The following CDH20 variants were observed in gnomAD, a reference collection of about 807,000 sequenced individuals.
CDH20 encodes the protein cadherin-20.
CDH20 carries 29 observed loss-of-function variants against 74.2 expected under a neutral mutation model. The ratio of observed to expected loss-of-function variants is 0.39; its 90% confidence interval spans 0.29 to 0.53. The LOEUF (loss-of-function observed/expected upper bound fraction) is 0.53, where lower values mean the gene tolerates loss of function less well. CDH20 is among the 20% of genes least tolerant of loss of function. The probability of loss-of-function intolerance (pLI) is 0.69; values close to 1 mark genes in which losing one functional copy is unlikely to be tolerated. For synonymous variants in CDH20, 469 were observed against 405.4 expected (o/e 1.16, Z -1.88); for missense variants, 988 against 1,048.3 (o/e 0.94, Z 0.79).
At chr18:61,511,780 A>G (rs1010831618) in intron 6 of CDH20, among the ~76,000 whole-genome samples, 1 of 152,342 alleles carries the variant, frequency 6.6e-6, no homozygotes, top group East Asian at 1.9e-4. Context: ...AAGACAGAGT[A>G]CTGTTTTTCA....
At chr18:61,337,111 G>C (rs1909786463) in intron 1 of CDH20, among the ~76,000 whole-genome samples, 1 of 152,180 alleles carries the variant, frequency 6.6e-6, no homozygotes, top group Admixed American at 6.5e-5. Context: ...GCGAAAATAA[G>C]AGCAAGAGAG....
At chr18:61,361,457 G>C (rs868494647) in intron 1 of CDH20, among the ~76,000 whole-genome samples, 2 of 152,196 alleles carry the variant, frequency 1.3e-5, no homozygotes, top group Non-Finnish European at 2.9e-5. Context: ...GCTGAACTAA[G>C]ATCATCTAAG....
At chr18:61,343,766 T>C (rs969347417) in intron 1 of CDH20, among the ~76,000 whole-genome samples, 1 of 152,216 alleles carries the variant, frequency 6.6e-6, no homozygotes, top group Admixed American at 6.5e-5. Flanking sequence ...AATATCTTCA[T>C]GTGAAATAGA....
At chr18:61,510,500 G>T (rs961647977) in intron 6 of CDH20, among the ~76,000 whole-genome samples, 1 of 152,140 alleles carries the variant, frequency 6.6e-6, no homozygotes, top group African/African-American at 2.4e-5. Context: ...AAGTTAATGG[G>T]TGTTTATAAC....
chr18:61,347,305 T>C lies in CDH20; in HGVS notation c.-153+13478T>C, dbSNP rs1208522736. ...CTCTGCTAATATATATATATATATA[T>C]ATATATATATATATACACACACACA... On this transcript the variant is annotated intron_variant, in intron 1 of 11. Transcript: ENST00000262717. 1.2e-3 allele frequency among the ~76,000 whole-genome samples: 100 copies of C among 82,848 alleles called. 1 individual carries two copies. Among genetic ancestry groups the C allele is most frequent in the African/African-American group, 5.3e-3 (94 of 17,886 alleles). The allele number at this position is 82,848 out of a possible 152,430, so 54.4% of individuals were successfully genotyped here.
chr18:61,518,155 G>GA (rs922203505), intron 6 of CDH20, among the ~76,000 whole-genome samples: 2 of 152,058 alleles, frequency 1.3e-5, no homozygotes, highest in African/African-American at 4.8e-5. Context: ...ATCTCCCTGG[G>GA]AAAAAACACC....
chr18:61,424,718 G>A (rs1486851521), intron 1 of CDH20, among the ~76,000 whole-genome samples: 1 of 152,062 alleles, frequency 6.6e-6, no homozygotes, highest in Non-Finnish European at 1.5e-5. Context: ...TAGTATCATT[G>A]GGATAATATT....
At chr18:61,495,701 C>T (rs1440277783) in intron 2 of CDH20, among the ~76,000 whole-genome samples, 2 of 152,182 alleles carry the variant, frequency 1.3e-5, no homozygotes, top group African/African-American at 4.8e-5. Context: ...TGCCAGAATC[C>T]CCACCTCCCT....
chr18:61,404,074 G>A (rs896574824), intron 1 of CDH20, among the ~76,000 whole-genome samples: 3 of 152,304 alleles, frequency 2.0e-5, no homozygotes, highest in Middle Eastern at 3.4e-3. Context: ...CACTGTCAGA[G>A]TGGTAGGGGG....
In CDH20 at chr18:61,341,871, T is replaced by C. The variant is rs1360152669; in HGVS notation, c.-153+8044T>C. Among the ~76,000 whole-genome samples, 6 of 152,334 alleles carry C rather than the reference T, an allele frequency of 3.9e-5. No homozygotes were observed. The East Asian group carries it at 1.2e-3, about 29-fold the overall frequency. On this transcript the variant is annotated intron_variant, in intron 1 of 11. Transcript: ENST00000262717. ...TCATTAACATCACAGTTTTGAAGTG[T>C]TATAGTTGCGTCTACCTTTATGCTT...
At chr18:61,462,237 T>G (rs1290867973) in intron 1 of CDH20, among the ~76,000 whole-genome samples, 1 of 152,160 alleles carries the variant, frequency 6.6e-6, no homozygotes, top group East Asian at 1.9e-4. Context: ...TTAATTAGCT[T>G]GCTTTAGTCA....
intron 1 of CDH20, among the ~76,000 whole-genome samples, chr18:61,371,372 A>G (rs1427006881): frequency 1.3e-5 from 2 of 152,024 alleles, no homozygotes; most frequent in Non-Finnish European, 2.9e-5. Flanking sequence ...GTCCCTTGTT[A>G]TAGGTGCTGT....
At chr18:61,376,650 C>A (rs191356979) in intron 1 of CDH20, among the ~76,000 whole-genome samples, 2 of 152,010 alleles carry the variant, frequency 1.3e-5, no homozygotes, top group African/African-American at 4.8e-5. Flanking sequence ...AAACCTTAAG[C>A]CCTAAACTTT....
At chr18:61,495,337 T>G (rs1248235898) in intron 2 of CDH20, among the ~76,000 whole-genome samples, 1 of 152,234 alleles carries the variant, frequency 6.6e-6, no homozygotes, top group Non-Finnish European at 1.5e-5. Context: ...AGCGGAATAT[T>G]AAATGTGCAT....
intron 1 of CDH20, among the ~76,000 whole-genome samples, chr18:61,344,427 CT>C (rs1324209078): frequency 6.6e-6 from 1 of 152,132 alleles, no homozygotes; most frequent in African/African-American, 2.4e-5. Context: ...ATTATGAAGC[CT>C]GTTTTGTAAC....
intron 6 of CDH20, among the ~76,000 whole-genome samples, chr18:61,508,340 A>T (rs1169581917): frequency 6.6e-6 from 1 of 152,220 alleles, no homozygotes; most frequent in African/African-American, 2.4e-5. Flanking sequence ...TGGAGTTTAC[A>T]TTCTAGCAAG....
intron 1 of CDH20, among the ~76,000 whole-genome samples, chr18:61,378,468 G>A (rs184714501): frequency 8.5e-5 from 13 of 152,252 alleles, no homozygotes; most frequent in African/African-American, 2.4e-4. Flanking sequence ...GGCATCCAAC[G>A]GATTAGATGA....
chr18:61,550,410 G>A lies in CDH20; in HGVS notation c.1900+181G>A, dbSNP rs1397075766. On this transcript the variant is annotated intron_variant, in intron 11 of 11. Transcript: ENST00000262717. ...AATTGAGGACAGTCCCTTCTTCGAGGTGTCTGTGGCAAGATCAAAGCACAT... is the reference window on the plus strand; with the variant it reads ...AATTGAGGACAGTCCCTTCTTCGAGATGTCTGTGGCAAGATCAAAGCACAT... 2.6e-5 allele frequency among the ~76,000 whole-genome samples: 4 copies of A among 152,208 alleles called. No homozygotes were observed. The South Asian group carries it at 6.2e-4, about 24-fold the overall frequency.
At chr18:61,533,040 G>C (rs1410212585) in intron 7 of CDH20, among the ~76,000 whole-genome samples, 1 of 152,154 alleles carries the variant, frequency 6.6e-6, no homozygotes, top group East Asian at 1.9e-4. Context: ...CCACTACTTG[G>C]GAGATTGAGG....
Sources: gnomAD v4.1 joint callset for allele counts (sites outside exome capture counted in the v4.1 genomes callset) on GRCh38, gnomAD v4.1.1 for gene constraint, MANE v1.5 for transcripts, NCBI Gene and HGNC (gene_info 2026-07-23, HGNC 2026-07-21) for gene names.